NEK7: variants seen among roughly 807,000 people sequenced by gnomAD.
NEK7 encodes the protein serine/threonine-protein kinase Nek7.
NEK7 carries 18 observed loss-of-function variants against 44.6 expected under a neutral mutation model. The observed-to-expected ratio is 0.40, with a 90% CI of 0.28 to 0.60. NEK7 has a LOEUF of 0.60. Among genes scored for constraint, NEK7 ranks in the 20% least tolerant of loss-of-function variants. NEK7 has a pLI of 0.38. For synonymous variants in NEK7, 130 were observed against 121.1 expected (o/e 1.07, Z -0.48); for missense variants, 256 against 366.5 (o/e 0.70, Z 2.46).
chr1:198,246,396 C>T (rs139742654), intron 2 of NEK7, among the ~76,000 whole-genome samples: 304 of 152,282 alleles, frequency 2.0e-3, no homozygotes, highest in Admixed American at 3.5e-3. Context: ...AAAAAGGTGC[C>T]GCAAATGGGC....
intron 6 of NEK7, among the ~76,000 whole-genome samples, chr1:198,278,483 G>C (rs540622856): frequency 2.7e-5 from 4 of 149,918 alleles, no homozygotes; most frequent in African/African-American, 1.0e-4. Context: ...CGCTGATACT[G>C]AAGTGTGAAA....
chr1:198,253,244 A>T, intron 3 of NEK7, 64 bp downstream of exon 3: 1 of 1,115,732 alleles, frequency 9.0e-7, no homozygotes, highest in Non-Finnish European at 1.3e-6. Flanking sequence ...AGATGAGAAA[A>T]GTATATCCTG....
At chr1:198,300,264 T>G (rs1206464438) in intron 9 of NEK7, among the ~76,000 whole-genome samples, 2 of 152,310 alleles carry the variant, frequency 1.3e-5, no homozygotes, top group Admixed American at 1.3e-4. Context: ...AAACATTTTC[T>G]TATGTATAAG....
chr1:198,218,849 A>G (rs1666001529), intron 1 of NEK7, among the ~76,000 whole-genome samples: 1 of 152,060 alleles, frequency 6.6e-6, no homozygotes, highest in East Asian at 1.9e-4. Context: ...AATTAAAACC[A>G]CAATGAGATA....
chr1:198,176,290 G>C (rs1289806728), intron 1 of NEK7, among the ~76,000 whole-genome samples: 1 of 152,140 alleles, frequency 6.6e-6, no homozygotes, highest in East Asian at 1.9e-4. Flanking sequence ...TTAAATACAT[G>C]AGACAAATGC....
intron 1 of NEK7, among the ~76,000 whole-genome samples, chr1:198,166,011 C>G (rs1664256347): frequency 6.6e-6 from 1 of 152,216 alleles, no homozygotes; most frequent in African/African-American, 2.4e-5. Context: ...CCTCTGTTAA[C>G]TCCATTTTTT....
At chr1:198,280,889 T>C (rs1306960203) in intron 7 of NEK7, among the ~76,000 whole-genome samples, 2 of 151,364 alleles carry the variant, frequency 1.3e-5, no homozygotes, top group South Asian at 4.1e-4. Flanking sequence ...GAGACTGTTT[T>C]CTTAACAGAT....
At chr1:198,219,291 A>C (rs1394929497) in intron 1 of NEK7, among the ~76,000 whole-genome samples, 1 of 149,710 alleles carries the variant, frequency 6.7e-6, no homozygotes, top group Admixed American at 6.7e-5. Context: ...ATATATAATT[A>C]ATATATTAAA....
chr1:198,246,267 T>C (rs1041670455), intron 2 of NEK7, among the ~76,000 whole-genome samples: 4 of 152,180 alleles, frequency 2.6e-5, no homozygotes, highest in Non-Finnish European at 5.9e-5. Flanking sequence ...GTTGGAGATG[T>C]GCAGCTATGC....
chr1:198,243,493 G>A (rs1666744996), intron 2 of NEK7, among the ~76,000 whole-genome samples: 1 of 152,180 alleles, frequency 6.6e-6, no homozygotes, highest in Non-Finnish European at 1.5e-5. Flanking sequence ...GGGGAGATGG[G>A]AGTATCTTTG....
At chr1:198,193,994 AG>A (rs757985696) in intron 1 of NEK7, among the ~76,000 whole-genome samples, 3 of 152,188 alleles carry the variant, frequency 2.0e-5, no homozygotes, top group Non-Finnish European at 2.9e-5. Context: ...AAGGAAATAA[AG>A]GGTATTCAAA....
intron 5 of NEK7, among the ~76,000 whole-genome samples, chr1:198,274,172 T>TTTTTTTTTTTTTTTTTTTTTTTTTTGA (rs1653941868): frequency 1.4e-5 from 2 of 143,820 alleles, no homozygotes; most frequent in South Asian, 2.2e-4. Flanking sequence ...AGTTCTCTTA[T>TTTTTTTTTTTTTTTTTTTTTTTTTTGA]GACTTCATTA....
chr1:198,284,251 C>T (rs1271071669), intron 7 of NEK7, among the ~76,000 whole-genome samples: 3 of 152,276 alleles, frequency 2.0e-5, no homozygotes, highest in Middle Eastern at 3.4e-3. Flanking sequence ...TTTACTCTAG[C>T]ATGAAGTCTG....
At chr1:198,237,975 A>G (rs13375334) in intron 2 of NEK7, among the ~76,000 whole-genome samples, 30,137 of 152,070 alleles carry the variant, frequency 0.2, 3,565 homozygotes, top group African/African-American at 0.31. Context: ...AGAGTGGTAC[A>G]CATAGTAGGC....
In NEK7 at chr1:198,157,098, T is replaced by C. The variant is rs1012716044; in HGVS notation, c.-207T>C. ...CGGACGCGCCTCGCAGTGCGCAGGG[T>C]GGGTGCCCCGCGCCTGCAGCGTCCG... On this transcript the variant is annotated 5_prime_UTR_variant, in exon 1 of 10. Coordinates refer to ENST00000367385, the MANE Select transcript of NEK7 (RefSeq NM_133494.3). 6.6e-6 allele frequency: 1 copy of C among 151,500 alleles called. No homozygotes were observed. The highest frequency in any genetic ancestry group is 1.5e-5 in the Non-Finnish European group (1 of 67,846). The allele number at this position is 151,500 out of a possible 1,614,324, so 9.4% of individuals were successfully genotyped here. A position where few individuals can be genotyped will look rare whatever the true frequency, so the allele number is the denominator to read the frequency against.
At chr1:198,164,591 A>G (rs1183408670) in intron 1 of NEK7, among the ~76,000 whole-genome samples, 1 of 152,240 alleles carries the variant, frequency 6.6e-6, no homozygotes, top group Non-Finnish European at 1.5e-5. Context: ...ACAGTGTGCA[A>G]TAGCATTATG....
chr1:198,173,993 G>A (rs1239623383), intron 1 of NEK7, among the ~76,000 whole-genome samples: 2 of 152,178 alleles, frequency 1.3e-5, no homozygotes, highest in Non-Finnish European at 2.9e-5. Flanking sequence ...AGTTTGGCAT[G>A]ATTTTATAGT....
At chr1:198,303,255 C>T (rs1251695461) in intron 9 of NEK7, among the ~76,000 whole-genome samples, 1 of 152,022 alleles carries the variant, frequency 6.6e-6, no homozygotes, top group Non-Finnish European at 1.5e-5. Context: ...AAAAAAGTTA[C>T]AGTTTGTCAT....
At chr1:198,166,338 G>A (rs745480816) in intron 1 of NEK7, among the ~76,000 whole-genome samples, 21 of 152,158 alleles carry the variant, frequency 1.4e-4, no homozygotes, top group Non-Finnish European at 2.8e-4. Flanking sequence ...GTACCATTTT[G>A]GACTAGCACT....
Sources: gnomAD v4.1 joint callset for allele counts (sites outside exome capture counted in the v4.1 genomes callset) on GRCh38, gnomAD v4.1.1 for gene constraint, MANE v1.5 for transcripts, NCBI Gene and HGNC (gene_info 2026-07-23, HGNC 2026-07-21) for gene names.